Variants in PCDH15 observed in about 807,000 individuals in gnomAD.
PCDH15 encodes the protein protocadherin related 15.
PCDH15 carries 129 observed loss-of-function variants against 178.5 expected under a neutral mutation model. That is an observed-to-expected ratio of 0.72 (90% CI 0.63 to 0.84). PCDH15 has a LOEUF of 0.84. PCDH15 is among the 40% of genes least tolerant of loss of function. PCDH15 has a pLI of 0.00. For missense variants in PCDH15, 2,230 were observed against 2,099.9 expected (o/e 1.06, Z -1.21); for synonymous variants, 800 against 732.0 (o/e 1.09, Z -1.50).
At chr10:54,124,464 T>G (rs1438538044) in intron 15 of PCDH15, among the ~76,000 whole-genome samples, 2 of 151,328 alleles carry the variant, frequency 1.3e-5, no homozygotes, top group African/African-American at 4.9e-5. Context: ...ATGGTTATAA[T>G]GGTAAGTATC....
At chr10:54,608,910 A>G (rs1361777399) in intron 2 of PCDH15, among the ~76,000 whole-genome samples, 2 of 152,112 alleles carry the variant, frequency 1.3e-5, no homozygotes, top group Non-Finnish European at 2.9e-5. Context: ...TATATTCTGA[A>G]GTAGTATAAT....
chr10:55,210,662 C>T (rs1316754829), intron 1 of PCDH15, among the ~76,000 whole-genome samples: 83 of 109,308 alleles, frequency 7.6e-4, no homozygotes, highest in African/African-American at 2.8e-3. Flanking sequence ...CGGAATCTCG[C>T]TCTGTCGCCA....
intron 15 of PCDH15, among the ~76,000 whole-genome samples, chr10:54,128,338 A>T (rs1012570324): frequency 5.3e-5 from 8 of 152,170 alleles, no homozygotes; most frequent in Non-Finnish European, 8.8e-5. Flanking sequence ...TCTGAGATTT[A>T]CGGATCCAGG....
intron 1 of PCDH15, among the ~76,000 whole-genome samples, chr10:55,232,557 C>T (rs763329059): frequency 3.6e-4 from 54 of 151,988 alleles, no homozygotes; most frequent in Non-Finnish European, 5.9e-4. Flanking sequence ...AGGCTGAACC[C>T]AATAACTTGC....
intron 10 of PCDH15, among the ~76,000 whole-genome samples, chr10:54,201,388 T>A (rs1370924793): frequency 6.6e-6 from 1 of 151,966 alleles, no homozygotes; most frequent in East Asian, 1.9e-4. Flanking sequence ...GATAATATTA[T>A]AAATTTATGA....
Position 54,834,470 on chromosome 10 carries a change from G to A in PCDH15, c.-29+62980C>T, listed in dbSNP as rs186562936. Among the ~76,000 whole-genome samples, 503 of 151,888 alleles carry A rather than the reference G, an allele frequency of 3.3e-3. 3 individuals are homozygous for A. The highest frequency in any genetic ancestry group is 0.011 in the African/African-American group (467 of 41,428). On this transcript the variant is annotated intron_variant, in intron 3 of 5. Coordinates refer to the PCDH15 transcript ENST00000458638. ...CTGGGTTATAGATGTGAGCCACTGC[G>A]CCCAGCTTATTACTAGAATTTAAAC...
intron 2 of PCDH15, among the ~76,000 whole-genome samples, chr10:54,571,546 G>C (rs527965488): frequency 1.4e-4 from 22 of 152,056 alleles, no homozygotes; most frequent in Admixed American, 7.2e-4. Context: ...TAACCCATGA[G>C]GACTCACTTA....
intron 8 of PCDH15, among the ~76,000 whole-genome samples, chr10:54,291,718 T>A (rs2059421184): frequency 6.6e-6 from 1 of 152,102 alleles, no homozygotes. Context: ...CCGGAAAATC[T>A]AGAAGAAATG....
At chr10:55,557,557 T>C (rs1430400812) in intron 2 of PCDH15, among the ~76,000 whole-genome samples, 1 of 152,122 alleles carries the variant, frequency 6.6e-6, no homozygotes, top group African/African-American at 2.4e-5. Context: ...CCTTGTCATC[T>C]CTCATTATCT....
chr10:53,912,291 A>G (rs1208825496), intron 25 of PCDH15, among the ~76,000 whole-genome samples: 1 of 152,060 alleles, frequency 6.6e-6, no homozygotes, highest in African/African-American at 2.4e-5. Flanking sequence ...TTGATGGAAC[A>G]TTTCTCAAAA....
At chr10:53,973,375 G>C (rs192404615) in intron 21 of PCDH15, among the ~76,000 whole-genome samples, 2 of 151,864 alleles carry the variant, frequency 1.3e-5, no homozygotes, top group Middle Eastern at 3.4e-3. Context: ...CACCAACGTG[G>C]CACATGTATA....
At chr10:55,423,506 C>T (rs1253032705) in intron 2 of PCDH15, among the ~76,000 whole-genome samples, 3 of 151,820 alleles carry the variant, frequency 2.0e-5, no homozygotes, top group Non-Finnish European at 4.4e-5. Context: ...CACATATATG[C>T]CTATAGTCAC....
At chr10:54,674,226 C>A (rs952005629) in intron 1 of PCDH15, among the ~76,000 whole-genome samples, 1 of 152,208 alleles carries the variant, frequency 6.6e-6, no homozygotes, top group Admixed American at 6.5e-5. Flanking sequence ...CAGTAAAATT[C>A]TCTCAAGAAC....
intron 3 of PCDH15, among the ~76,000 whole-genome samples, chr10:54,397,165 T>C (rs1951336122): frequency 6.6e-6 from 1 of 152,082 alleles, no homozygotes; most frequent in Admixed American, 6.6e-5. Context: ...CAGAAAATTT[T>C]CCATTGTAAA....
chr10:53,979,708 C>T (rs1481867558), intron 21 of PCDH15, among the ~76,000 whole-genome samples: 1 of 152,174 alleles, frequency 6.6e-6, no homozygotes, highest in African/African-American at 2.4e-5. Flanking sequence ...TATTTCCCAA[C>T]ATTTCTGATT....
At chr10:55,121,173 G>C (rs1267227527) in intron 2 of PCDH15, among the ~76,000 whole-genome samples, 1 of 152,160 alleles carries the variant, frequency 6.6e-6, no homozygotes, top group Admixed American at 6.6e-5. Context: ...GTTGTTCAGA[G>C]GCAGGAGTAC....
intron 2 of PCDH15, among the ~76,000 whole-genome samples, chr10:55,585,792 A>G (rs1240528410): frequency 2.6e-5 from 4 of 152,070 alleles, no homozygotes; most frequent in African/African-American, 9.6e-5. Flanking sequence ...TATATATATG[A>G]GAGAGAGATA....
chr10:55,293,095 G>A (rs1843048042), intron 1 of PCDH15, among the ~76,000 whole-genome samples: 1 of 152,148 alleles, frequency 6.6e-6, no homozygotes, highest in African/African-American at 2.4e-5. Flanking sequence ...AAGTCTAGGG[G>A]TAGGGTCCCA....
intron 2 of PCDH15, among the ~76,000 whole-genome samples, chr10:54,565,449 A>C (rs2088890258): frequency 6.6e-6 from 1 of 152,152 alleles, no homozygotes; most frequent in Admixed American, 6.5e-5. Flanking sequence ...GACAGCAATT[A>C]TAGCCAGTCT....
Sources: allele counts gnomAD v4.1 joint callset (sites outside exome capture counted in the v4.1 genomes callset), GRCh38; gene constraint gnomAD v4.1.1; transcripts MANE v1.5; gene names NCBI Gene and HGNC (gene_info 2026-07-23, HGNC 2026-07-21).